The following SPAG16 variants were observed in gnomAD, a reference collection of about 807,000 sequenced individuals.
The protein encoded by SPAG16 is sperm-associated antigen 16 protein.
Under a neutral mutation model 80.4 loss-of-function variants are expected in SPAG16, and 86 were observed. The ratio of observed to expected loss-of-function variants is 1.07; its 90% CI spans 0.90 to 1.28. The LOEUF is 1.28. Among genes scored for constraint, SPAG16 ranks in the 50% most tolerant of loss-of-function variants. The pLI, the probability that SPAG16 is intolerant of heterozygous loss-of-function variation, is 0.00. For synonymous variants in SPAG16, 294 were observed against 265.9 expected, an observed-to-expected ratio of 1.11 and a Z score of -1.03; for missense variants, 870 against 765.3, an observed-to-expected ratio of 1.14 and a Z score of -1.61.
At chr2:214,122,725 C>T (rs2054281266) in intron 14 of SPAG16, among the ~76,000 whole-genome samples, 1 of 151,722 alleles carries the variant, frequency 6.6e-6, no homozygotes, top group Admixed American at 6.6e-5. Context: ...TTTAGCTGGG[C>T]CAATAATATT....
chr2:213,617,517 T>C (rs1413533130), intron 10 of SPAG16, among the ~76,000 whole-genome samples: 1 of 152,224 alleles, frequency 6.6e-6, no homozygotes, highest in Non-Finnish European at 1.5e-5. Flanking sequence ...AGTTTTTGTA[T>C]TTTTAGTAGA....
intron 15 of SPAG16, among the ~76,000 whole-genome samples, chr2:214,212,509 A>G (rs2058321187): frequency 6.6e-6 from 1 of 152,126 alleles, no homozygotes; most frequent in African/African-American, 2.4e-5. Flanking sequence ...GACTCTTGTG[A>G]AGTGAAGGCT....
intron 9 of SPAG16, among the ~76,000 whole-genome samples, chr2:213,439,159 T>C (rs1211593484): frequency 6.6e-6 from 1 of 152,222 alleles, no homozygotes; most frequent in Non-Finnish European, 1.5e-5. Flanking sequence ...CCATGGTAAC[T>C]GTGAGATGAT....
intron 15 of SPAG16, among the ~76,000 whole-genome samples, chr2:214,339,933 C>A (rs1464060799): frequency 6.6e-6 from 1 of 152,170 alleles, no homozygotes; most frequent in Non-Finnish European, 1.5e-5. Flanking sequence ...CAGCCAGCAC[C>A]TTAATTGCAG....
intron 10 of SPAG16, among the ~76,000 whole-genome samples, chr2:213,832,447 C>T (rs142239468): frequency 6.6e-6 from 1 of 152,196 alleles, no homozygotes. Flanking sequence ...CTCTTTCTCC[C>T]CTGAAGCAAG....
At chr2:213,880,165 C>G (rs2076290576) in intron 11 of SPAG16, among the ~76,000 whole-genome samples, 1 of 152,150 alleles carries the variant, frequency 6.6e-6, no homozygotes, top group Admixed American at 6.5e-5. Context: ...TTAGTAATAG[C>G]CATTCTGAAT....
At chr2:213,831,948 T>C (rs993671754) in intron 10 of SPAG16, among the ~76,000 whole-genome samples, 1 of 152,084 alleles carries the variant, frequency 6.6e-6, no homozygotes, top group African/African-American at 2.4e-5. Context: ...TGTTGAACAC[T>C]GGGCTATATT....
intron 11 of SPAG16, among the ~76,000 whole-genome samples, chr2:213,887,798 A>G (rs574105910): frequency 1.3e-5 from 2 of 151,930 alleles, no homozygotes; most frequent in African/African-American, 4.8e-5. Context: ...ATTTTAGGAA[A>G]TATTGATTAT....
chr2:214,315,305 T>C (rs1695596636), intron 15 of SPAG16, among the ~76,000 whole-genome samples: 1 of 152,186 alleles, frequency 6.6e-6, no homozygotes, highest in Non-Finnish European at 1.5e-5. Flanking sequence ...TATTTCTAAA[T>C]GTATTTAACT....
chr2:213,713,849 T>C (rs1321148212), intron 10 of SPAG16, among the ~76,000 whole-genome samples: 1 of 152,222 alleles, frequency 6.6e-6, no homozygotes, highest in Non-Finnish European at 1.5e-5. Context: ...TGAAATTTTA[T>C]CTATCACAGG....
chr2:213,827,903 T>C (rs994084273), intron 10 of SPAG16, among the ~76,000 whole-genome samples: 1 of 152,128 alleles, frequency 6.6e-6, no homozygotes, highest in Non-Finnish European at 1.5e-5. Context: ...CATTGCATAT[T>C]ATTTGTTTCT....
chr2:213,947,687 CAAAT>C (rs761990164), intron 12 of SPAG16, among the ~76,000 whole-genome samples: 203 of 151,998 alleles, frequency 1.3e-3, no homozygotes, highest in Non-Finnish European at 2.4e-3. Context: ...AAAACTAAAA[CAAAT>C]AAAGTACCTA....
At chr2:213,952,358 G>A (rs1012482663) in intron 12 of SPAG16, among the ~76,000 whole-genome samples, 2 of 151,750 alleles carry the variant, frequency 1.3e-5, no homozygotes, top group Non-Finnish European at 1.5e-5. Flanking sequence ...AGAGATTTTT[G>A]GTCATAAAAG....
chr2:214,069,760 T>C (rs543849092), intron 13 of SPAG16, among the ~76,000 whole-genome samples: 2 of 152,176 alleles, frequency 1.3e-5, no homozygotes, highest in South Asian at 4.1e-4. Context: ...TCTACTCATA[T>C]ATACTGAAGA....
intron 15 of SPAG16, among the ~76,000 whole-genome samples, chr2:214,196,714 T>C (rs2057851031): frequency 1.3e-5 from 2 of 152,010 alleles, no homozygotes; most frequent in African/African-American, 4.8e-5. Flanking sequence ...ATATACAAAC[T>C]AGGAAAATTT....
At chr2:213,518,679 T>G (rs1028061971) in intron 10 of SPAG16, among the ~76,000 whole-genome samples, 1 of 152,200 alleles carries the variant, frequency 6.6e-6, no homozygotes, top group African/African-American at 2.4e-5. Flanking sequence ...AGTTTGGAGA[T>G]TTCTGAAAGA....
chr2:214,130,336 T>G (rs963951300), intron 14 of SPAG16, among the ~76,000 whole-genome samples: 9 of 152,178 alleles, frequency 5.9e-5, no homozygotes, highest in African/African-American at 2.2e-4. Context: ...TGGAGTACTT[T>G]CTGAGAACAC....
intron 10 of SPAG16, among the ~76,000 whole-genome samples, chr2:213,821,704 A>G (rs556366256): frequency 2.6e-5 from 4 of 152,278 alleles, no homozygotes; most frequent in Admixed American, 2.6e-4. Flanking sequence ...CCCCACAACC[A>G]CACTACCCTT....
chr2:213,797,289 T>C (rs1414477730), intron 10 of SPAG16, among the ~76,000 whole-genome samples: 1 of 152,168 alleles, frequency 6.6e-6, no homozygotes, highest in African/African-American at 2.4e-5. Context: ...ATTTATAAAG[T>C]CTACAGTAAT....
Sources: allele counts gnomAD v4.1 joint callset (sites outside exome capture counted in the v4.1 genomes callset), GRCh38; gene constraint gnomAD v4.1.1; transcripts MANE v1.5; gene names NCBI Gene and HGNC (gene_info 2026-07-23, HGNC 2026-07-21).